The following FRMPD4 variants were observed in gnomAD, a reference collection of about 807,000 sequenced individuals.
FRMPD4 encodes FERM and PDZ domain-containing protein 4.
FRMPD4 carries 22 observed loss-of-function variants against 94.1 expected under a neutral mutation model. The ratio of observed to expected loss-of-function variants is 0.23; its 90% CI spans 0.17 to 0.33. The LOEUF (loss-of-function observed/expected upper bound fraction) is 0.33, where lower values mean the gene tolerates loss of function less well. FRMPD4 is among the 10% of genes least tolerant of loss of function. FRMPD4 has a pLI of 1.00. For missense variants in FRMPD4, 1,111 were observed against 1,339.9 expected, an observed-to-expected ratio of 0.83 and a Z score of 2.67; for synonymous variants, 631 against 548.6, an observed-to-expected ratio of 1.15 and a Z score of -2.10.
At chrX:12,476,678 A>C (rs369155024) in intron 1 of FRMPD4, among the ~76,000 whole-genome samples, 1 of 112,424 alleles carries the variant, frequency 8.9e-6, no homozygotes, top group African/African-American at 3.2e-5. Flanking sequence ...ACTTCTCAAA[A>C]GAAGACATTT....
At chrX:12,212,061 C>T (rs1407155668) in intron 1 of FRMPD4, among the ~76,000 whole-genome samples, 1 of 111,533 alleles carries the variant, frequency 9.0e-6, no homozygotes, top group Non-Finnish European at 1.9e-5. Flanking sequence ...CAGTTCCTCC[C>T]CACAGCCATC....
At chrX:11,837,348 G>A (rs2053506715) in intron 1 of FRMPD4, among the ~76,000 whole-genome samples, 1 of 111,457 alleles carries the variant, frequency 9.0e-6, no homozygotes, top group African/African-American at 3.3e-5. Flanking sequence ...AAATATTTAT[G>A]TTGATGTTGA....
intron 3 of FRMPD4, among the ~76,000 whole-genome samples, chrX:12,031,526 AGG>A (rs1243596030): frequency 8.1e-5 from 9 of 111,622 alleles, no homozygotes; most frequent in African/African-American, 2.9e-4. Context: ...ATTCTCAACC[AGG>A]GATGAATTTG....
At chrX:12,285,525 G>A (rs945799059) in intron 1 of FRMPD4, among the ~76,000 whole-genome samples, 3 of 111,091 alleles carry the variant, frequency 2.7e-5, no homozygotes, top group Non-Finnish European at 3.8e-5. Context: ...GTGATATGCT[G>A]GGGAAACTCA....
chrX:12,071,041 G>A (rs906830010), intron 3 of FRMPD4, among the ~76,000 whole-genome samples: 4 of 111,805 alleles, frequency 3.6e-5, no homozygotes, highest in East Asian at 2.8e-4. Flanking sequence ...TAATCCACAC[G>A]TTGCAGATGA....
chrX:12,423,178 G>A (rs1421974756), intron 1 of FRMPD4, among the ~76,000 whole-genome samples: 1 of 110,551 alleles, frequency 9.0e-6, no homozygotes, highest in East Asian at 2.8e-4. Flanking sequence ...TTGTTGCAGT[G>A]AGCCGAACCA....
chrX:12,198,266 A>G (rs2056589064), intron 1 of FRMPD4, among the ~76,000 whole-genome samples: 1 of 112,085 alleles, frequency 8.9e-6, no homozygotes, highest in Non-Finnish European at 1.9e-5. Flanking sequence ...GCAGAGAGAC[A>G]TAAGTCTGGT....
rs150423466 is a variant in FRMPD4, at chrX:12,173,437, G to T, written c.41+34425G>T. 4.3e-3 allele frequency among the ~76,000 whole-genome samples: 480 copies of T among 112,043 alleles called. 4 individuals carry two copies. The highest frequency in any genetic ancestry group is 0.015 in the African/African-American group (457 of 30,842). ...TTCCCTGTGGCTGTATGTCAGTGAGGCCAAAAATAAAAATAGCTTAAATGT... is the reference window on the plus strand; with the variant it reads ...TTCCCTGTGGCTGTATGTCAGTGAGTCCAAAAATAAAAATAGCTTAAATGT... On this transcript the variant is annotated intron_variant, in intron 1 of 16. Transcript: ENST00000675598.
intron 3 of FRMPD4, among the ~76,000 whole-genome samples, chrX:12,117,529 C>T (rs1338981429): frequency 9.0e-6 from 1 of 111,619 alleles, no homozygotes; most frequent in East Asian, 2.8e-4. Flanking sequence ...CACTCTCTCC[C>T]CTTCAAGGAT....
At chrX:12,023,288 C>T (rs1040494899) in intron 3 of FRMPD4, among the ~76,000 whole-genome samples, 4 of 111,397 alleles carry the variant, frequency 3.6e-5, no homozygotes, top group African/African-American at 1.3e-4. Flanking sequence ...GTTTATAGGA[C>T]ACCCAGTCTA....
chrX:12,413,540 G>A (rs12010293), intron 1 of FRMPD4, among the ~76,000 whole-genome samples: 51 of 111,953 alleles, frequency 4.6e-4, no homozygotes, highest in African/African-American at 1.6e-3. Context: ...TCAAACCCAC[G>A]TTGTGAGTCT....
intron 1 of FRMPD4, among the ~76,000 whole-genome samples, chrX:11,834,023 T>C (rs1004283547): frequency 9.0e-6 from 1 of 111,506 alleles, no homozygotes; most frequent in African/African-American, 3.3e-5. Context: ...TAATCTTTGT[T>C]ATGTTAAGCC....
At chrX:12,602,938 T>A (rs922905960) in intron 2 of FRMPD4, among the ~76,000 whole-genome samples, 3 of 112,208 alleles carry the variant, frequency 2.7e-5, no homozygotes, top group Non-Finnish European at 3.8e-5. Context: ...CAGAGAAACA[T>A]GTACTGTGTA....
At chrX:11,882,188 A>G (rs964294651) in intron 3 of FRMPD4, among the ~76,000 whole-genome samples, 5 of 111,447 alleles carry the variant, frequency 4.5e-5, no homozygotes, top group African/African-American at 1.6e-4. Flanking sequence ...GAAAGACTTC[A>G]TAGAGGAGAC....
At chrX:12,202,217 A>G (rs2056639069) in intron 1 of FRMPD4, among the ~76,000 whole-genome samples, 1 of 111,817 alleles carries the variant, frequency 8.9e-6, no homozygotes, top group Non-Finnish European at 1.9e-5. Flanking sequence ...GCTTATATTT[A>G]TAGCTTGTTG....
At chrX:12,534,279 C>G (rs757761943) in intron 2 of FRMPD4, among the ~76,000 whole-genome samples, 4 of 112,766 alleles carry the variant, frequency 3.5e-5, no homozygotes, top group Non-Finnish European at 7.5e-5. Flanking sequence ...TATGGAAGCA[C>G]CTGGATGCCC....
chrX:12,612,789 G>A (rs2059195776), intron 3 of FRMPD4, among the ~76,000 whole-genome samples: 1 of 112,367 alleles, frequency 8.9e-6, no homozygotes, highest in Admixed American at 9.4e-5. Flanking sequence ...GAATTTGAGT[G>A]ATTACTTGCA....
At chrX:12,311,376 A>G (rs895634749) in intron 1 of FRMPD4, among the ~76,000 whole-genome samples, 4 of 112,530 alleles carry the variant, frequency 3.6e-5, no homozygotes, top group African/African-American at 1.3e-4. Context: ...ATTACTGTAT[A>G]TGCTGTTATT....
chrX:12,174,374 T>A (rs2056267525), intron 1 of FRMPD4, among the ~76,000 whole-genome samples: 1 of 112,388 alleles, frequency 8.9e-6, no homozygotes, highest in African/African-American at 3.2e-5. Flanking sequence ...GCTCATAGAC[T>A]ACAGTTTGCT....
Sources: allele counts gnomAD v4.1 joint callset (sites outside exome capture counted in the v4.1 genomes callset), GRCh38; gene constraint gnomAD v4.1.1; transcripts MANE v1.5; gene names NCBI Gene and HGNC (gene_info 2026-07-23, HGNC 2026-07-21).